Variants in MAPK4 observed in about 807,000 individuals in gnomAD.
The protein encoded by MAPK4 is Erk3-related.
In MAPK4, 22 loss-of-function variants were observed where a neutral mutation model predicts 47.7. The ratio of observed to expected loss-of-function variants is 0.46; its 90% CI spans 0.33 to 0.66. The LOEUF is 0.66. Ranked by LOEUF, MAPK4 falls within the 30% of genes least tolerant of loss-of-function variation. The pLI is 0.02. For missense variants in MAPK4, 736 were observed against 831.7 expected, an observed-to-expected ratio of 0.88 and a Z score of 1.42; for synonymous variants, 390 against 365.7, an observed-to-expected ratio of 1.07 and a Z score of -0.76.
At chr18:50,610,755 T>C (rs530583242) in intron 1 of MAPK4, among the ~76,000 whole-genome samples, 9 of 152,284 alleles carry the variant, frequency 5.9e-5, no homozygotes, top group Admixed American at 2.0e-4. Context: ...AGGGAGCGAA[T>C]GATACTCCCA....
intron 2 of MAPK4, among the ~76,000 whole-genome samples, chr18:50,707,945 G>A (rs1207030034): frequency 6.6e-6 from 1 of 152,128 alleles, no homozygotes; most frequent in Non-Finnish European, 1.5e-5. Context: ...CAGCATTTAG[G>A]GCATCTTAGA....
chr18:50,650,687 C>A (rs1293647462), intron 1 of MAPK4, among the ~76,000 whole-genome samples: 1 of 152,208 alleles, frequency 6.6e-6, no homozygotes, highest in African/African-American at 2.4e-5. Context: ...AATTCTCAGT[C>A]CCCTCCTGCC....
At chr18:50,610,113 CCA>C (rs1260111101) in intron 1 of MAPK4, among the ~76,000 whole-genome samples, 3 of 152,204 alleles carry the variant, frequency 2.0e-5, no homozygotes, top group Non-Finnish European at 2.9e-5. Context: ...AAGACCAGAA[CCA>C]CACCATTTAC....
chr18:50,657,887 G>C (rs138084985), intron 1 of MAPK4, among the ~76,000 whole-genome samples: 2 of 152,168 alleles, frequency 1.3e-5, no homozygotes, highest in East Asian at 1.9e-4. Context: ...CCTGATGGCC[G>C]AACCAGACCT....
intron 2 of MAPK4, among the ~76,000 whole-genome samples, chr18:50,688,844 C>T (rs1909035343): frequency 7.1e-6 from 1 of 140,778 alleles, no homozygotes; most frequent in African/African-American, 2.7e-5. Context: ...AAAGAACTTA[C>T]TCATATAACC....
At chr18:50,711,514 C>T (rs1910362306) in intron 2 of MAPK4, among the ~76,000 whole-genome samples, 1 of 152,258 alleles carries the variant, frequency 6.6e-6, no homozygotes, top group South Asian at 2.1e-4. Context: ...TGTTACAAAG[C>T]CTCACACAAG....
At position 50,639,455 on chromosome 18, in the gene MAPK4, T is replaced by C. The variant is rs1265906978; in HGVS notation, c.-870-23634T>C. Among the ~76,000 whole-genome samples the C allele has an allele frequency of 2.0e-5, 3 of 152,196 alleles. No individual in the cohort carries two copies. In the East Asian group the frequency reaches 5.8e-4, roughly 29 times the overall value. ...AGCTGTAATCTTAGTGTTGAACCAC[T>C]TTTATGGTTCAATATAAATGTTCCA... On this transcript the variant is annotated intron_variant, in intron 1 of 5. Coordinates refer to ENST00000400384, the MANE Select transcript of MAPK4 (RefSeq NM_002747.4).
Position 50,595,842 on chromosome 18 carries a change from C to T in MAPK4, c.-871+35599C>T, listed in dbSNP as rs569942433. On this transcript the variant is annotated intron_variant, in intron 1 of 5. Transcript: ENST00000400384. ...TAGCTGTGTTTTTCTTTTTTGGCAG[C>T]TTCATCACACGCTTTCCATTTATTG... Among the ~76,000 whole-genome samples, 10 of 152,230 alleles carry T rather than the reference C, an allele frequency of 6.6e-5. No homozygotes were observed. In the South Asian group the frequency reaches 2.1e-3, roughly 32 times the overall value.
At chr18:50,612,624 T>C (rs1320048039) in intron 1 of MAPK4, among the ~76,000 whole-genome samples, 1 of 152,206 alleles carries the variant, frequency 6.6e-6, no homozygotes, top group Non-Finnish European at 1.5e-5. Flanking sequence ...TTTCTTGTTT[T>C]TTCTTGCCAG....
chr18:50,589,123 C>T (rs981108756), intron 1 of MAPK4, among the ~76,000 whole-genome samples: 2 of 152,138 alleles, frequency 1.3e-5, no homozygotes, highest in Non-Finnish European at 2.9e-5. Flanking sequence ...AGCTCTGGTA[C>T]GTGGGTCCCT....
chr18:50,685,260 C>T (rs1908807788), intron 2 of MAPK4, among the ~76,000 whole-genome samples: 1 of 152,222 alleles, frequency 6.6e-6, no homozygotes, highest in Admixed American at 6.5e-5. Flanking sequence ...AGTTGGCTGG[C>T]ATCAGGGGCC....
chr18:50,722,150 T>G lies in MAPK4; in HGVS notation c.853+51T>G, dbSNP rs111965046. ...AGTGTCCTGGGAGGATGAGCTAGGC[T>G]CCACCTTGCGGGGTAGGGGGCAGGC... is the stretch of plus-strand genomic sequence containing the variant. On this transcript the variant is annotated intron_variant, in intron 4 of 5. Transcript: ENST00000400384. 3,809 of 1,578,190 alleles carry G rather than the reference T, an allele frequency of 2.4e-3. 57 individuals carry two copies. The African/African-American group carries it at 0.036, about 15-fold the overall frequency.
At chr18:50,673,533 A>C (rs1032314641) in intron 2 of MAPK4, among the ~76,000 whole-genome samples, 16 of 152,082 alleles carry the variant, frequency 1.1e-4, no homozygotes, top group African/African-American at 3.9e-4. Context: ...TTTTATTCTC[A>C]TGTTTAAAGT....
chr18:50,720,158 A>G (rs34472492), intron 3 of MAPK4, among the ~76,000 whole-genome samples: 24,353 of 152,128 alleles, frequency 0.16, 2,105 homozygotes, highest in South Asian at 0.23. Flanking sequence ...CAGTGTTAAG[A>G]TGCCTCCCCC....
At chr18:50,604,566 A>G (rs2042567160) in intron 1 of MAPK4, among the ~76,000 whole-genome samples, 2 of 152,250 alleles carry the variant, frequency 1.3e-5, no homozygotes, top group Admixed American at 6.5e-5. Flanking sequence ...GTGAGAACAG[A>G]GCGTGTAGAA....
intron 2 of MAPK4, among the ~76,000 whole-genome samples, chr18:50,674,897 T>C (rs1414755230): frequency 1.3e-5 from 2 of 152,222 alleles, no homozygotes; most frequent in Non-Finnish European, 1.5e-5. Context: ...CCTCTGCCTT[T>C]CTATTGAATA....
At position 50,631,280 on chromosome 18, in the gene MAPK4, C is replaced by T. The variant is rs933592352; in HGVS notation, c.-870-31809C>T. Among the ~76,000 whole-genome samples the T allele has an allele frequency of 6.6e-5, 10 of 152,124 alleles. 1 individual carries two copies. Among genetic ancestry groups the T allele is most frequent in the Middle Eastern group, 3.4e-3 (1 of 294 alleles). On this transcript the variant is annotated intron_variant, in intron 1 of 5. Coordinates refer to ENST00000400384, the MANE Select transcript of MAPK4 (RefSeq NM_002747.4). ...TAGCGCTGAGGTGCTATCTAGTGTTCCTAAGCCCAGGGAGGCTGTGATGTG... is the reference window on the plus strand; with the variant it reads ...TAGCGCTGAGGTGCTATCTAGTGTTTCTAAGCCCAGGGAGGCTGTGATGTG...
At chr18:50,711,268 C>T (rs1239720156) in intron 2 of MAPK4, among the ~76,000 whole-genome samples, 2 of 152,194 alleles carry the variant, frequency 1.3e-5, no homozygotes, top group African/African-American at 4.8e-5. Context: ...ATGGGCTCTG[C>T]GTGACTCTAA....
chr18:50,626,786 A>G (rs2042782792), intron 1 of MAPK4, among the ~76,000 whole-genome samples: 1 of 152,112 alleles, frequency 6.6e-6, no homozygotes, highest in Non-Finnish European at 1.5e-5. Context: ...CAAATCCTCA[A>G]GATGTTCAGG....
Sources: allele counts gnomAD v4.1 joint callset (sites outside exome capture counted in the v4.1 genomes callset), GRCh38; gene constraint gnomAD v4.1.1; transcripts MANE v1.5; gene names NCBI Gene and HGNC (gene_info 2026-07-23, HGNC 2026-07-21).